The following OSBP variants were observed in gnomAD, a reference collection of about 807,000 sequenced individuals.
OSBP encodes oxysterol binding protein, also known as oxysterol-binding protein 1.
Under a neutral mutation model 96.6 loss-of-function variants are expected in OSBP, and 32 were observed. The observed-to-expected ratio is 0.33, with a 90% confidence interval of 0.25 to 0.45. OSBP has a LOEUF of 0.45. Among genes scored for constraint, OSBP ranks in the 20% least tolerant of loss-of-function variants. OSBP has a pLI of 1.00. For missense variants in OSBP, 653 were observed against 1,029.7 expected (o/e 0.63, Z 5.01); for synonymous variants, 369 against 389.6 (o/e 0.95, Z 0.62).
intron 9 of OSBP, among the ~76,000 whole-genome samples, chr11:59,587,225 G>A (rs1282259261): frequency 6.6e-6 from 1 of 152,166 alleles, no homozygotes; most frequent in Non-Finnish European, 1.5e-5. Context: ...AGGAGGCTGG[G>A]TACGGCAGCT....
At chr11:59,592,335 A>G (rs7120176) in intron 9 of OSBP, among the ~76,000 whole-genome samples, 3,457 of 152,358 alleles carry the variant, frequency 0.023, 127 homozygotes, top group African/African-American at 0.08. Flanking sequence ...ATATGTTAGA[A>G]AACATTTATG....
At chr11:59,615,216 G>C in intron 1 of OSBP, 87 bp downstream of exon 1, 10 of 1,155,666 alleles carry the variant, frequency 8.7e-6, no homozygotes, top group Non-Finnish European at 1.2e-5. Flanking sequence ...CCCTGGCTGC[G>C]GTGCCGGCTG....
intron 1 of OSBP, 67 bp from the exon 2 acceptor site, chr11:59,610,656 T>C: frequency 7.7e-7 from 1 of 1,292,620 alleles, no homozygotes; most frequent in Non-Finnish European, 1.1e-6. Context: ...ACATTCCATT[T>C]CTTTTCATAA....
At chr11:59,609,437 T>C (rs1860818646) in intron 2 of OSBP, among the ~76,000 whole-genome samples, 1 of 151,502 alleles carries the variant, frequency 6.6e-6, no homozygotes, top group South Asian at 2.1e-4. Context: ...AGTGCTTTTC[T>C]AGCAGTGTCA....
In OSBP at chr11:59,594,172, T is replaced by G. The variant is rs757138847; in HGVS notation, c.1395A>C (p.Lys465Asn). 3.1e-6 allele frequency: 5 copies of G among 1,614,028 alleles called. No homozygotes were observed. ...AGAGCTGTTCTAGAGAATTCTCACA[T>G]TTTGCAGCTCGGTCTAACAGCTCAT... The part of the protein sequence containing the change: ...EYHELLDRAA[K>N]CENSLEQLCY... The change falls in exon 8 of 14, where the codon AAA (lysine) becomes AAC (asparagine). Residue 465 changes from lysine (K) to asparagine (N), a missense_variant. This residue lies in a region of OSBP where 308 missense variants were observed against 573.1 expected (regional missense o/e 0.54). Coordinates refer to ENST00000263847, the MANE Select transcript of OSBP (RefSeq NM_002556.3).
intron 9 of OSBP, among the ~76,000 whole-genome samples, chr11:59,589,378 A>C (rs954933708): frequency 5.3e-5 from 8 of 151,836 alleles, no homozygotes; most frequent in African/African-American, 9.7e-5. Flanking sequence ...AGGCAGGTGG[A>C]TCACTTGAGA....
intron 3 of OSBP, among the ~76,000 whole-genome samples, chr11:59,604,833 T>C (rs1418427267): frequency 6.0e-5 from 9 of 150,720 alleles, no homozygotes; most frequent in Non-Finnish European, 1.2e-4. Context: ...CCAGCCTGGG[T>C]GAGAGAGCAA....
chr11:59,582,553 G>C (rs1186358202), intron 9 of OSBP, among the ~76,000 whole-genome samples: 6 of 152,114 alleles, frequency 3.9e-5, no homozygotes, highest in African/African-American at 1.2e-4. Flanking sequence ...ATAATAAAAC[G>C]GTAATGATAA....
intron 1 of OSBP, 137 bp from the exon 2 acceptor site, chr11:59,610,726 G>A (rs762328045): frequency 8.1e-5 from 55 of 679,468 alleles, no homozygotes; most frequent in East Asian, 1.4e-4. Flanking sequence ...TCCCTCAAAC[G>A]GGTCCCTAAA....
chr11:59,601,809 C>A lies in OSBP; in HGVS notation c.852G>T (p.Gln284His). Residue 284 changes from glutamine (Q) to histidine (H), a missense_variant, in exon 4 of 14, where the codon CAG (glutamine) becomes CAT (histidine). This residue lies in a region of OSBP where 308 missense variants were observed against 573.1 expected (regional missense o/e 0.54). Transcript: ENST00000263847. ...ACTTTTGCCATTTTTTACTATGGGTCTGGGCTAACATGAGGAAATCTCTGC... is the reference window on the plus strand; with the variant it reads ...ACTTTTGCCATTTTTTACTATGGGTATGGGCTAACATGAGGAAATCTCTGC... ...NACRDFLMLA[Q>H]THSKKWQKSL... The A allele has an allele frequency of 5.6e-6, 9 of 1,614,086 alleles. No homozygotes were observed. The highest frequency in any genetic ancestry group is 1.1e-5 in the South Asian group (1 of 91,066).
Position 59,608,692 on chromosome 11 carries a change from G to C in OSBP, c.614C>G (p.Thr205Ser), listed in dbSNP as rs752689363. ...GGTCCGAAGGGTATTCTGCAGCTCA[G>C]TCTTGTCAGTTTGTGAGACAGACTC... is the stretch of plus-strand genomic sequence containing the variant. The part of the protein sequence containing the change: ...DEESVSQTDK[T>S]ELQNTLRTLS... The change falls in exon 3 of 14, where the codon ACT (threonine) becomes AGT (serine). Residue 205 changes from threonine to serine, a missense_variant. Transcript: ENST00000263847. 2 of 1,613,880 alleles carry C rather than the reference G, an allele frequency of 1.2e-6. No homozygotes were observed. The highest frequency in any genetic ancestry group is 1.7e-6 in the Non-Finnish European group (2 of 1,179,868).
At chr11:59,584,954 C>A (rs992369978) in intron 9 of OSBP, among the ~76,000 whole-genome samples, 2 of 152,218 alleles carry the variant, frequency 1.3e-5, no homozygotes, top group Admixed American at 1.3e-4. Flanking sequence ...GGTGCCCAGG[C>A]TGGAGTGCAG....
intron 9 of OSBP, among the ~76,000 whole-genome samples, chr11:59,590,142 A>G (rs772150997): frequency 6.6e-5 from 10 of 152,186 alleles, no homozygotes; most frequent in Non-Finnish European, 1.2e-4. Flanking sequence ...CTGCCTCCAA[A>G]TATCTTTAGG....
chr11:59,576,965 T>C lies in OSBP; in HGVS notation c.2121A>G (p.Glu707=), dbSNP rs754639761. The C allele has an allele frequency of 6.2e-7, 1 of 1,614,216 alleles. No homozygotes were observed. Among genetic ancestry groups the C allele is most frequent in the Non-Finnish European group, 8.5e-7 (1 of 1,180,036 alleles). ...SELALTLNAW[E]SGTAPTDSRL... is the part of the protein sequence containing the mutation. ...GGCTGTCTGTGGGGGCAGTGCCACT[T>C]TCCCAAGCATTGAGAGTCAGAGCAA... The change falls in exon 13 of 14, where the codon GAA becomes GAG. Residue 707 remains glutamate (E), a synonymous_variant. Coordinates refer to ENST00000263847, the MANE Select transcript of OSBP (RefSeq NM_002556.3).
At chr11:59,603,543 T>C (rs917021281) in intron 3 of OSBP, among the ~76,000 whole-genome samples, 2 of 148,776 alleles carry the variant, frequency 1.3e-5, no homozygotes, top group South Asian at 4.4e-4. Flanking sequence ...TTTTTTTTTT[T>C]TTTTTTTTTT....
Position 59,583,940 on chromosome 11 carries a change from GTTTTTTTTTTT to G in OSBP, c.1679-2397_1679-2387del, listed in dbSNP as rs1196897419. On this transcript the variant is annotated intron_variant, in intron 9 of 13. Transcript: ENST00000263847. ...GGCATGAGCCACCACACCTGATGGT[GTTTTTTTTTTT>G]TTTTTTTTTTTTGAGACAGGATCTC... is the stretch of plus-strand genomic sequence containing the variant. 1.5e-4 allele frequency among the ~76,000 whole-genome samples: 14 copies of G among 93,582 alleles called. 2 individuals carry two copies. The highest frequency in any genetic ancestry group is 7.1e-4 in the South Asian group (2 of 2,836). 61.4% of individuals were successfully genotyped at this position (93,582 alleles called of 152,430 possible). A position where few individuals can be genotyped will look rare whatever the true frequency, so the allele number is the denominator to read the frequency against.
chr11:59,607,845 A>C (rs1238611563), intron 3 of OSBP, among the ~76,000 whole-genome samples: 35 of 152,228 alleles, frequency 2.3e-4, no homozygotes, highest in Non-Finnish European at 1.5e-5. Flanking sequence ...AGTCATAAGG[A>C]GGCTGAAGTT....
At chr11:59,606,991 G>C (rs956558517) in intron 3 of OSBP, among the ~76,000 whole-genome samples, 1 of 152,078 alleles carries the variant, frequency 6.6e-6, no homozygotes, top group African/African-American at 2.4e-5. Flanking sequence ...AGAACTTAGG[G>C]AAGAATTTCC....
In OSBP at chr11:59,601,447, A is replaced by C. The variant is rs1860723415; in HGVS notation, c.1022-62T>G. On this transcript the variant is annotated intron_variant, in intron 4 of 13. Coordinates refer to ENST00000263847, the MANE Select transcript of OSBP (RefSeq NM_002556.3). ...ATCTTTACCAAATGTCTGATATAGCAAGTTCTTTTAAATACTAACCACAAA... is the reference window on the plus strand; with the variant it reads ...ATCTTTACCAAATGTCTGATATAGCCAGTTCTTTTAAATACTAACCACAAA... 3 of 1,309,926 alleles carry C rather than the reference A, an allele frequency of 2.3e-6. No individual in the cohort carries two copies. In the South Asian group the frequency reaches 3.6e-5, roughly 16 times the overall value. 81.1% of individuals were successfully genotyped at this position (1,309,926 alleles called of 1,614,324 possible). A position where few individuals can be genotyped will look rare whatever the true frequency, so the allele number is the denominator to read the frequency against.
Sources: allele counts gnomAD v4.1 joint callset (sites outside exome capture counted in the v4.1 genomes callset), GRCh38; gene constraint gnomAD v4.1.1; regional missense constraint gnomAD v4.1.1; transcripts MANE v1.5; gene names NCBI Gene and HGNC (gene_info 2026-07-23, HGNC 2026-07-21).